ETS1: variants seen among roughly 807,000 people sequenced by gnomAD.
ETS1 encodes protein C-ets-1.
ETS1 carries 15 observed loss-of-function variants against 58.6 expected under a neutral mutation model. The observed-to-expected ratio is 0.26, with a 90% confidence interval of 0.17 to 0.39. ETS1 has a LOEUF of 0.39. Ranked by LOEUF, ETS1 falls within the 10% of genes least tolerant of loss-of-function variation. ETS1 has a pLI of 1.00. For missense variants in ETS1, 417 were observed against 610.5 expected (o/e 0.68, Z 3.34); for synonymous variants, 214 against 218.2 (o/e 0.98, Z 0.17).
At chr11:128,566,801 G>A (rs1370262175) in intron 2 of ETS1, among the ~76,000 whole-genome samples, 2 of 151,018 alleles carry the variant, frequency 1.3e-5, no homozygotes, top group Non-Finnish European at 1.5e-5. Flanking sequence ...AAAAAAAAGA[G>A]TACCAGAGTA....
In ETS1 at chr11:128,482,424, T is replaced by G. The variant is rs957960597; in HGVS notation, c.863-1973A>C. Among the ~76,000 whole-genome samples, 10 of 152,198 alleles carry G rather than the reference T, an allele frequency of 6.6e-5. 1 individual carries two copies. Among genetic ancestry groups the G allele is most frequent in the Admixed American group, 3.3e-4 (5 of 15,282 alleles). On this transcript the variant is annotated intron_variant, in intron 7 of 9. Coordinates refer to ENST00000392668, the MANE Select transcript of ETS1 (RefSeq NM_001143820.2). ...CAAGTCGATAGTATTTATGCTAAAG[T>G]CTCTCTGAAATGATTCCATTTCTAT...
At chr11:128,572,990 G>T in intron 2 of ETS1, 72 bp downstream of exon 2, 1 of 1,243,824 alleles carries the variant, frequency 8.0e-7, no homozygotes, top group Non-Finnish European at 1.2e-6. Flanking sequence ...CTGGGGGTCA[G>T]GATACAGGAA....
At chr11:128,502,938 G>T (rs143313883) in intron 3 of ETS1, among the ~76,000 whole-genome samples, 1 of 152,060 alleles carries the variant, frequency 6.6e-6, no homozygotes, top group Non-Finnish European at 1.5e-5. Flanking sequence ...GCATTAATGC[G>T]CAACCAACAG....
At position 128,558,335 on chromosome 11, in the gene ETS1, A is replaced by G. The variant is rs1197982460; in HGVS notation, c.70-1900T>C. 2.0e-5 allele frequency among the ~76,000 whole-genome samples: 3 copies of G among 152,178 alleles called. No individual in the cohort carries two copies. In the East Asian group the frequency reaches 5.8e-4, roughly 29 times the overall value. On this transcript the variant is annotated intron_variant, in intron 2 of 9. Transcript: ENST00000392668. ...GGGGAACCATCAGCAAGAATACACT[A>G]CTGAGCATCAGTCAGAAAATGTTTC...
chr11:128,582,278 C>T (rs1487527410), intron 1 of ETS1, among the ~76,000 whole-genome samples: 2 of 152,108 alleles, frequency 1.3e-5, no homozygotes. Flanking sequence ...ATTTCTTAAC[C>T]TCACAATCAG....
At chr11:128,521,897 G>C (rs76336142) in intron 3 of ETS1, 8 of 1,587,388 alleles carry the variant, frequency 5.0e-6, no homozygotes, top group Non-Finnish European at 6.9e-6. Flanking sequence ...TGGGGGCCTC[G>C]GCCGTCGCCA....
Position 128,537,289 on chromosome 11 carries a change from A to ATT in ETS1, c.214+19000_214+19001dup, listed in dbSNP as rs566330240. Among the ~76,000 whole-genome samples, 1,431 of 152,214 alleles carry ATT rather than the reference A, an allele frequency of 9.4e-3. 14 individuals carry two copies. Among genetic ancestry groups the ATT allele is most frequent in the South Asian group, 0.044 (213 of 4,820 alleles). ...TGTACCATAATTTACCTGAGACATT[A>ATT]TTTTCCCACTAACACAGAGTGTGTA... On this transcript the variant is annotated intron_variant, in intron 3 of 9. Transcript: ENST00000392668.
At chr11:128,488,560 C>A (rs1862702325) in intron 5 of ETS1, among the ~76,000 whole-genome samples, 1 of 152,096 alleles carries the variant, frequency 6.6e-6, no homozygotes, top group Non-Finnish European at 1.5e-5. Context: ...AAGGGCACTG[C>A]TGACTGCTGG....
intron 3 of ETS1, among the ~76,000 whole-genome samples, chr11:128,542,270 G>T (rs1864068013): frequency 6.6e-6 from 1 of 152,154 alleles, no homozygotes; most frequent in South Asian, 2.1e-4. Flanking sequence ...CTTTGATGAG[G>T]TCTATGACTA....
chr11:128,574,332 A>C (rs546586364), intron 1 of ETS1, among the ~76,000 whole-genome samples: 84 of 152,320 alleles, frequency 5.5e-4, no homozygotes, highest in African/African-American at 1.9e-3. Flanking sequence ...CTTTTCTTCC[A>C]GATGTAGAAT....
intron 2 of ETS1, among the ~76,000 whole-genome samples, chr11:128,569,435 G>A (rs1368776443): frequency 6.7e-6 from 1 of 148,924 alleles, no homozygotes; most frequent in Admixed American, 6.8e-5. Context: ...TCTGGACAGG[G>A]AGGCTCCAAC....
chr11:128,562,375 C>A (rs1198745400), intron 2 of ETS1, among the ~76,000 whole-genome samples: 2 of 152,210 alleles, frequency 1.3e-5, no homozygotes, highest in African/African-American at 4.8e-5. Context: ...TGCCATTGCA[C>A]TCCAGCCTGG....
chr11:128,518,197 G>A (rs767046046), intron 3 of ETS1, among the ~76,000 whole-genome samples: 2 of 152,182 alleles, frequency 1.3e-5, no homozygotes, highest in Non-Finnish European at 2.9e-5. Context: ...TTTGCTCCCT[G>A]GAGAACAGAA....
chr11:128,489,306 T>A lies in ETS1; in HGVS notation c.519A>T (p.Leu173=). Residue 173 remains leucine, a synonymous_variant, in exon 5 of 10, where the codon CTA becomes CTT. Transcript: ENST00000392668. ...DFVGDILWEH[L]EILQKEDVKP... ...CATATTTACCTTTCTGCAGGATCTCTAGATGTTCCCATAAGATGTCCCCAA... is the reference window on the plus strand; with the variant it reads ...CATATTTACCTTTCTGCAGGATCTCAAGATGTTCCCATAAGATGTCCCCAA... 6.2e-7 allele frequency: 1 copy of A among 1,614,110 alleles called. No individual in the cohort carries two copies. The highest frequency in any genetic ancestry group is 1.3e-5 in the African/African-American group (1 of 75,052).
intron 3 of ETS1, among the ~76,000 whole-genome samples, chr11:128,519,457 C>A (rs1484577668): frequency 2.0e-5 from 3 of 152,218 alleles, no homozygotes; most frequent in African/African-American, 7.2e-5. Flanking sequence ...AGAAATCATT[C>A]TGACAAATAT....
intron 1 of ETS1, among the ~76,000 whole-genome samples, chr11:128,578,039 G>A (rs1227499127): frequency 6.6e-6 from 1 of 152,140 alleles, no homozygotes; most frequent in African/African-American, 2.4e-5. Flanking sequence ...TGGCTTATGT[G>A]GGTGTCTCAT....
At chr11:128,496,427 C>T (rs1037022499) in intron 3 of ETS1, among the ~76,000 whole-genome samples, 2 of 152,064 alleles carry the variant, frequency 1.3e-5, no homozygotes, top group Non-Finnish European at 2.9e-5. Flanking sequence ...TAAAAAGGCT[C>T]GGAGTTCTGG....
At chr11:128,575,633 C>G (rs1864730314) in intron 1 of ETS1, among the ~76,000 whole-genome samples, 1 of 152,174 alleles carries the variant, frequency 6.6e-6, no homozygotes. Context: ...TATCTTCAGG[C>G]AGTGGAATCG....
At chr11:128,467,009 T>C (rs1310389717) in intron 8 of ETS1, among the ~76,000 whole-genome samples, 1 of 152,116 alleles carries the variant, frequency 6.6e-6, no homozygotes, top group African/African-American at 2.4e-5. Context: ...AAAGCCCACA[T>C]TTTTGTACCA....
Sources: allele counts gnomAD v4.1 joint callset (sites outside exome capture counted in the v4.1 genomes callset), GRCh38; gene constraint gnomAD v4.1.1; transcripts MANE v1.5; gene names NCBI Gene and HGNC (gene_info 2026-07-23, HGNC 2026-07-21).